Variants in KCNH7 observed in about 807,000 individuals in gnomAD.
The protein encoded by KCNH7 is potassium voltage-gated channel subfamily H member 7.
In KCNH7, 49 loss-of-function variants were observed where a neutral mutation model predicts 120.8. The observed-to-expected ratio is 0.41, with a 90% confidence interval of 0.32 to 0.51. KCNH7 has a LOEUF of 0.51. Ranked by LOEUF, KCNH7 falls within the 20% of genes least tolerant of loss-of-function variation. KCNH7 has a pLI of 0.38. For synonymous variants in KCNH7, 547 were observed against 516.1 expected, an observed-to-expected ratio of 1.06 and a Z score of -0.81; for missense variants, 1,097 against 1,446.6, an observed-to-expected ratio of 0.76 and a Z score of 3.92.
intron 6 of KCNH7, among the ~76,000 whole-genome samples, chr2:162,473,197 G>A (rs2105653529): frequency 6.6e-6 from 1 of 151,660 alleles, no homozygotes; most frequent in Admixed American, 6.6e-5. Flanking sequence ...TTGTGCACAT[G>A]TACCCTAGAA....
chr2:162,400,156 G>A (rs774341855), intron 10 of KCNH7, 33 bp downstream of exon 10: 6 of 1,605,216 alleles, frequency 3.7e-6, no homozygotes, highest in Admixed American at 1.7e-5. Flanking sequence ...GCTAATAACT[G>A]AATCTGTCAC....
Position 162,616,959 on chromosome 2 carries a change from T to TTC in KCNH7, c.308-79881_308-79880dup, listed in dbSNP as rs147302924. Among the ~76,000 whole-genome samples, 12 of 151,360 alleles carry TTC rather than the reference T, an allele frequency of 7.9e-5. 1 individual carries two copies. The South Asian group carries it at 1.0e-3, about 13-fold the overall frequency. On this transcript the variant is annotated intron_variant, in intron 2 of 15. Coordinates refer to ENST00000332142, the MANE Select transcript of KCNH7 (RefSeq NM_033272.4). The stretch of plus-strand genomic sequence containing the variant: ...GTGTCTTTTAGTTTGTGCATAATCG[T>TTC]TCTCTCTCTCTCTCTCAGGCTCTGC...
intron 9 of KCNH7, among the ~76,000 whole-genome samples, chr2:162,402,999 C>A (rs1687108500): frequency 6.6e-6 from 1 of 151,944 alleles, no homozygotes; most frequent in Admixed American, 6.6e-5. Flanking sequence ...TACTTAACTT[C>A]TCTGAAAATC....
intron 2 of KCNH7, among the ~76,000 whole-genome samples, chr2:162,690,269 C>T (rs1008909574): frequency 6.6e-6 from 1 of 152,106 alleles, no homozygotes; most frequent in East Asian, 1.9e-4. Flanking sequence ...GGAAAAATAA[C>T]TAATGGGTAC....
At chr2:162,820,936 T>G (rs1427015491) in intron 2 of KCNH7, among the ~76,000 whole-genome samples, 1 of 152,234 alleles carries the variant, frequency 6.6e-6, no homozygotes, top group Non-Finnish European at 1.5e-5. Context: ...ATTGTTTTTA[T>G]TAGAATGTTA....
At chr2:162,684,152 AAAAC>A (rs1172804608) in intron 2 of KCNH7, among the ~76,000 whole-genome samples, 5 of 152,206 alleles carry the variant, frequency 3.3e-5, no homozygotes, top group Non-Finnish European at 7.3e-5. Context: ...CCATATGCAG[AAAAC>A]TGTAACTGGA....
At chr2:162,837,527 G>A (rs79557100) in intron 1 of KCNH7, among the ~76,000 whole-genome samples, 3,935 of 152,232 alleles carry the variant, frequency 0.026, 168 homozygotes, top group African/African-American at 0.089. Flanking sequence ...AGATTGTGAA[G>A]CAGGATATAC....
At chr2:162,700,885 GT>G (rs1686471152) in intron 2 of KCNH7, among the ~76,000 whole-genome samples, 1 of 152,152 alleles carries the variant, frequency 6.6e-6, no homozygotes, top group Non-Finnish European at 1.5e-5. Context: ...AAAAATCAGA[GT>G]TTTGGCTTAT....
intron 2 of KCNH7, among the ~76,000 whole-genome samples, chr2:162,629,253 G>C (rs990630920): frequency 6.6e-6 from 1 of 152,042 alleles, no homozygotes; most frequent in African/African-American, 2.4e-5. Context: ...TATGATTGAG[G>C]CATTTTAGTT....
intron 2 of KCNH7, among the ~76,000 whole-genome samples, chr2:162,728,961 G>A (rs186712300): frequency 6.6e-6 from 1 of 151,812 alleles, no homozygotes; most frequent in Admixed American, 6.6e-5. Context: ...TCTATTTTGA[G>A]TTAGTGTACA....
chr2:162,834,126 G>T (rs1223958977), intron 2 of KCNH7, among the ~76,000 whole-genome samples: 1 of 151,980 alleles, frequency 6.6e-6, no homozygotes, highest in Non-Finnish European at 1.5e-5. Context: ...GCTGGCAGTA[G>T]TCTTATCTCT....
At chr2:162,448,480 T>C (rs1438332856) in intron 6 of KCNH7, among the ~76,000 whole-genome samples, 2 of 152,108 alleles carry the variant, frequency 1.3e-5, no homozygotes, top group African/African-American at 4.8e-5. Flanking sequence ...ATTTTTGAGC[T>C]GCTGAGATCT....
intron 2 of KCNH7, among the ~76,000 whole-genome samples, chr2:162,558,324 G>A (rs1223922452): frequency 6.6e-6 from 1 of 151,818 alleles, no homozygotes; most frequent in Non-Finnish European, 1.5e-5. Flanking sequence ...ACAGGTGCCC[G>A]CCACCATGCC....
At chr2:162,792,958 T>C (rs1684009041) in intron 2 of KCNH7, among the ~76,000 whole-genome samples, 1 of 151,976 alleles carries the variant, frequency 6.6e-6, no homozygotes, top group Admixed American at 6.6e-5. Flanking sequence ...GGGAATTTAA[T>C]CTTATAAATT....
chr2:162,441,999 CTTTTTTTTTTTTTTTTT>C (rs779418084), intron 7 of KCNH7, among the ~76,000 whole-genome samples: 851 of 41,672 alleles, frequency 0.02, 42 homozygotes, highest in African/African-American at 0.051. Flanking sequence ...GTTAGGTCTT[CTTTTTTTTTTTTTTTTT>C]TTTTTTTTTT....
intron 2 of KCNH7, among the ~76,000 whole-genome samples, chr2:162,542,999 A>C (rs1179593296): frequency 6.6e-6 from 1 of 152,142 alleles, no homozygotes; most frequent in Non-Finnish European, 1.5e-5. Flanking sequence ...CTGAATGGCC[A>C]TGTATAGTCT....
At chr2:162,748,004 G>A (rs1287623471) in intron 2 of KCNH7, among the ~76,000 whole-genome samples, 3 of 152,212 alleles carry the variant, frequency 2.0e-5, no homozygotes, top group Non-Finnish European at 2.9e-5. Flanking sequence ...TACAGAAATG[G>A]TTACCTGAGA....
intron 5 of KCNH7, 55 bp downstream of exon 5, chr2:162,512,599 C>A (rs1691114472): frequency 1.3e-6 from 2 of 1,540,250 alleles, no homozygotes; most frequent in Non-Finnish European, 1.8e-6. Flanking sequence ...AGTTAACATG[C>A]CGAGTAAAGG....
chr2:162,714,272 T>C (rs1029498130), intron 2 of KCNH7, among the ~76,000 whole-genome samples: 2 of 152,128 alleles, frequency 1.3e-5, no homozygotes, highest in Admixed American at 6.6e-5. Context: ...ACTTTTTCTT[T>C]AGGAAAATTT....
Sources: allele counts gnomAD v4.1 joint callset (sites outside exome capture counted in the v4.1 genomes callset), GRCh38; gene constraint gnomAD v4.1.1; transcripts MANE v1.5; gene names NCBI Gene and HGNC (gene_info 2026-07-23, HGNC 2026-07-21).